SLC35F3: variants seen among roughly 807,000 people sequenced by gnomAD.
SLC35F3 encodes the protein putative thiamine transporter SLC35F3.
A neutral mutation model predicts 49.9 loss-of-function variants in SLC35F3; 25 were observed. The ratio of observed to expected loss-of-function variants is 0.50; its 90% confidence interval spans 0.37 to 0.70. The LOEUF is 0.70. Ranked by LOEUF, SLC35F3 falls within the 30% of genes least tolerant of loss-of-function variation. The pLI, the probability that SLC35F3 is intolerant of heterozygous loss-of-function variation, is 0.00. For synonymous variants in SLC35F3, 275 were observed against 265.4 expected (o/e 1.04, Z -0.35); for missense variants, 525 against 639.8 (o/e 0.82, Z 1.94).
chr1:234,214,610 A>C lies in SLC35F3; in HGVS notation c.284-16807A>C, dbSNP rs1307853422. ...GCCGCCTCGCCCCGGGGGTCCCTGC[A>C]CCCTAGCCGGGGAATGCTGCCACCC... is the stretch of plus-strand genomic sequence containing the variant. On this transcript the variant is annotated intron_variant, in intron 2 of 7. Coordinates refer to ENST00000366618, the MANE Select transcript of SLC35F3 (RefSeq NM_173508.4). The surrounding 1 kb of genome is among the most constrained non-coding windows in gnomAD (Gnocchi z 8.0). 1 of 1,510,570 alleles carries C rather than the reference A, an allele frequency of 6.6e-7. No individual in the cohort carries two copies. Among genetic ancestry groups the C allele is most frequent in the African/African-American group, 1.4e-5 (1 of 69,356 alleles). The allele number at this position is 1,510,570 out of a possible 1,614,324, so 93.6% of individuals were successfully genotyped here.
intron 3 of SLC35F3, among the ~76,000 whole-genome samples, chr1:234,233,050 T>C (rs1178453486): frequency 3.9e-5 from 6 of 152,142 alleles, no homozygotes. Flanking sequence ...AGAATTCTGA[T>C]CCTCAGGGTT....
At chr1:234,301,010 C>T (rs1234762466) in intron 3 of SLC35F3, among the ~76,000 whole-genome samples, 1 of 152,124 alleles carries the variant, frequency 6.6e-6, no homozygotes, top group East Asian at 1.9e-4. Flanking sequence ...AGTATCTGGC[C>T]TGGGTAGAAA....
chr1:233,913,288 T>C (rs1016526389), intron 2 of SLC35F3, among the ~76,000 whole-genome samples: 3 of 152,198 alleles, frequency 2.0e-5, no homozygotes, highest in Admixed American at 1.3e-4. Flanking sequence ...GTTGGACTTG[T>C]GAGCAGAAAC....
chr1:233,931,545 C>T (rs1558181986), intron 2 of SLC35F3, among the ~76,000 whole-genome samples: 1 of 152,204 alleles, frequency 6.6e-6, no homozygotes. Context: ...ATGAAAAATG[C>T]TCATCATCAC....
intron 2 of SLC35F3, among the ~76,000 whole-genome samples, chr1:234,192,710 A>C (rs12061665): frequency 0.08 from 12,154 of 152,152 alleles, 1,337 homozygotes; most frequent in African/African-American, 0.25. Context: ...GACTCCTCCA[A>C]AAAGCTCCTA....
intron 2 of SLC35F3, among the ~76,000 whole-genome samples, chr1:234,100,116 T>C (rs1270431863): frequency 6.6e-6 from 1 of 152,204 alleles, no homozygotes; most frequent in African/African-American, 2.4e-5. Context: ...GTGGTGCTTA[T>C]TAAACATGAC....
chr1:234,164,370 C>G (rs1666280573), intron 2 of SLC35F3, among the ~76,000 whole-genome samples: 1 of 148,278 alleles, frequency 6.7e-6, no homozygotes, highest in Non-Finnish European at 1.5e-5. Flanking sequence ...TCTTTCCCCT[C>G]TCTCCTCAAC....
At chr1:234,204,362 A>G (rs961084933) in intron 2 of SLC35F3, among the ~76,000 whole-genome samples, 2 of 152,188 alleles carry the variant, frequency 1.3e-5, no homozygotes, top group African/African-American at 4.8e-5. Flanking sequence ...ACAAAAACCC[A>G]AAAACAAATT....
At chr1:234,127,597 G>A (rs1165822386) in intron 2 of SLC35F3, among the ~76,000 whole-genome samples, 1 of 152,172 alleles carries the variant, frequency 6.6e-6, no homozygotes, top group Non-Finnish European at 1.5e-5. Flanking sequence ...GTAGAACAAG[G>A]AGTGTTTTTT....
chr1:233,925,574 G>T (rs1662143667), intron 2 of SLC35F3, among the ~76,000 whole-genome samples: 1 of 152,124 alleles, frequency 6.6e-6, no homozygotes, highest in Non-Finnish European at 1.5e-5. Context: ...GATGGGTCTT[G>T]ACTCTTTATC....
intron 2 of SLC35F3, among the ~76,000 whole-genome samples, chr1:234,180,590 T>C (rs1441438389): frequency 6.6e-6 from 1 of 152,204 alleles, no homozygotes; most frequent in Non-Finnish European, 1.5e-5. Flanking sequence ...TTTAGAATTG[T>C]CAGGTCACTC....
chr1:234,104,558 A>G lies in SLC35F3; in HGVS notation c.284-126859A>G, dbSNP rs575033667. Among the ~76,000 whole-genome samples the G allele has an allele frequency of 1.9e-4, 29 of 152,216 alleles. No homozygotes were observed. In the South Asian group the frequency reaches 5.8e-3, roughly 30 times the overall value. On this transcript the variant is annotated intron_variant, in intron 2 of 7. Transcript: ENST00000366618. ...CATGGCTATAATGCTTTTTCTTGAAACATCTGAATTCATTAAGATGACCTG... is the reference window on the plus strand; with the variant it reads ...CATGGCTATAATGCTTTTTCTTGAAGCATCTGAATTCATTAAGATGACCTG...
chr1:233,948,917 G>A (rs12032779), intron 2 of SLC35F3, among the ~76,000 whole-genome samples: 34,471 of 152,012 alleles, frequency 0.23, 4,844 homozygotes, highest in South Asian at 0.36. Context: ...TTTCTAAGCT[G>A]GGAGGCTGTT....
intron 3 of SLC35F3, among the ~76,000 whole-genome samples, chr1:234,262,347 G>A (rs140910764): frequency 6.6e-6 from 1 of 152,202 alleles, no homozygotes; most frequent in African/African-American, 2.4e-5. Context: ...GTGAGATAGG[G>A]TTAATAGACT....
chr1:233,907,245 G>A (rs894220440), intron 2 of SLC35F3, among the ~76,000 whole-genome samples: 3 of 152,190 alleles, frequency 2.0e-5, no homozygotes, highest in African/African-American at 7.2e-5. Context: ...TCTCTTTGGT[G>A]CTTGAAGTCA....
chr1:233,914,565 G>A (rs764258066), intron 2 of SLC35F3, among the ~76,000 whole-genome samples: 30 of 152,240 alleles, frequency 2.0e-4, no homozygotes, highest in Non-Finnish European at 2.5e-4. Flanking sequence ...ATTCAAGCTC[G>A]TGCATGACAA....
chr1:233,920,578 G>A (rs1662042243), intron 2 of SLC35F3, among the ~76,000 whole-genome samples: 1 of 152,220 alleles, frequency 6.6e-6, no homozygotes, highest in African/African-American at 2.4e-5. Flanking sequence ...ACCCCCTCTG[G>A]TGTTCATACC....
At chr1:234,049,223 C>T (rs1161867831) in intron 2 of SLC35F3, among the ~76,000 whole-genome samples, 1 of 152,006 alleles carries the variant, frequency 6.6e-6, no homozygotes, top group Non-Finnish European at 1.5e-5. Context: ...ATTTGTACCC[C>T]CCACCCCAAT....
intron 3 of SLC35F3, among the ~76,000 whole-genome samples, chr1:234,235,282 A>T (rs1022364357): frequency 3.3e-5 from 5 of 152,128 alleles, no homozygotes; most frequent in African/African-American, 1.2e-4. Flanking sequence ...CCTTATCTTC[A>T]CTGTTTCTCA....
Sources: allele counts gnomAD v4.1 joint callset (sites outside exome capture counted in the v4.1 genomes callset), GRCh38; gene constraint gnomAD v4.1.1; non-coding constraint Gnocchi (gnomAD v3.1); transcripts MANE v1.5; gene names NCBI Gene and HGNC (gene_info 2026-07-23, HGNC 2026-07-21).